Variants in C2CD3 observed in about 807,000 individuals in gnomAD.
C2CD3 encodes the protein C2 domain containing 3 centriole elongation regulator.
C2CD3 carries 148 observed loss-of-function variants against 234.0 expected under a neutral mutation model. The ratio of observed to expected loss-of-function variants is 0.63; its 90% CI spans 0.55 to 0.72. The LOEUF is 0.72. C2CD3 is among the 30% of genes least tolerant of loss of function. The pLI, the probability that C2CD3 is intolerant of heterozygous loss-of-function variation, is 0.00. For missense variants in C2CD3, 2,577 were observed against 2,811.5 expected, an observed-to-expected ratio of 0.92 and a Z score of 1.89; for synonymous variants, 1,000 against 1,035.4, an observed-to-expected ratio of 0.97 and a Z score of 0.66.
chr11:74,168,053 C>T (rs1395490012), intron 2 of C2CD3: 4 of 281,980 alleles, frequency 1.4e-5, no homozygotes, highest in Non-Finnish European at 2.7e-5. Flanking sequence ...ACTTTGTGAC[C>T]TTAGAAAGTA....
intron 24 of C2CD3, among the ~76,000 whole-genome samples, chr11:74,068,323 A>T (rs894759659): frequency 6.6e-6 from 1 of 152,186 alleles, no homozygotes; most frequent in African/African-American, 2.4e-5. Context: ...AGGAAGAGAT[A>T]ACCTGGCTCT....
At chr11:74,032,177 T>C (rs990367127) in intron 31 of C2CD3, among the ~76,000 whole-genome samples, 4 of 152,190 alleles carry the variant, frequency 2.6e-5, no homozygotes, top group African/African-American at 9.7e-5. Context: ...TCCGCCTCCA[T>C]TTTACAGGTG....
At chr11:74,073,554 T>A (rs1954892044) in intron 24 of C2CD3, among the ~76,000 whole-genome samples, 2 of 145,624 alleles carry the variant, frequency 1.4e-5, no homozygotes, top group Admixed American at 7.0e-5. Context: ...GCCACTGCAC[T>A]GCAGCCTGGG....
At position 74,139,757 on chromosome 11, in the gene C2CD3, T is replaced by G. The variant is rs781602399; in HGVS notation, c.555A>C (p.Thr185=). The G allele has an allele frequency of 1.2e-6, 2 of 1,613,838 alleles. No homozygotes were observed. Among genetic ancestry groups the G allele is most frequent in the Non-Finnish European group, 1.7e-6 (2 of 1,179,710 alleles). The change falls in exon 4 of 33, where the codon ACA becomes ACC. Residue 185 remains threonine (T), a synonymous_variant. Transcript: ENST00000334126. ...SYHPLPTTDM[T]ENVLLSKQGF... ...CCTGCTTAGATAAAAGCACATTTTC[T>G]GTCATGTCAGTGGTAGGAAGTGGAT...
chr11:74,060,008 C>T (rs772647564), intron 24 of C2CD3, among the ~76,000 whole-genome samples: 20 of 152,208 alleles, frequency 1.3e-4, no homozygotes, highest in Non-Finnish European at 2.8e-4. Context: ...GCCCATGTAG[C>T]CTCGCTCACT....
At chr11:74,124,644 T>C (rs1957343531) in intron 7 of C2CD3, among the ~76,000 whole-genome samples, 1 of 152,202 alleles carries the variant, frequency 6.6e-6, no homozygotes, top group African/African-American at 2.4e-5. Context: ...CTAACTGCCA[T>C]AATCCAACTA....
At chr11:74,145,722 A>G (rs925777254) in intron 3 of C2CD3, among the ~76,000 whole-genome samples, 4 of 152,128 alleles carry the variant, frequency 2.6e-5, no homozygotes, top group Non-Finnish European at 4.4e-5. Context: ...TGATTTTTGT[A>G]TATGGTGTAA....
chr11:74,078,616 A>C lies in C2CD3; in HGVS notation c.4102T>G (p.Ser1368Ala). Reference sequence around the variant, plus strand: ...TCTCTATCTCCACGATGCGTGAAGGAAATCGAAAGCTCCAGACCACCCACG... The same window carrying C: ...TCTCTATCTCCACGATGCGTGAAGGCAATCGAAAGCTCCAGACCACCCACG... ...KIVGGLELSI[S>A]FTHRGDRERV... Residue 1368 changes from serine (S) to alanine (A), a missense_variant, in exon 23 of 33, where the codon TCC becomes GCC. Ser to Ala is a moderately conservative substitution (Grantham distance 99, BLOSUM62 1). Coordinates refer to ENST00000334126, the MANE Select transcript of C2CD3 (RefSeq NM_001286577.2). The C allele has an allele frequency of 1.9e-6, 3 of 1,614,212 alleles. No individual in the cohort carries two copies. Among genetic ancestry groups the C allele is most frequent in the Non-Finnish European group, 1.7e-6 (2 of 1,180,032 alleles).
At chr11:74,048,141 T>C in intron 28 of C2CD3, 64 bp downstream of exon 28, 2 of 1,526,510 alleles carry the variant, frequency 1.3e-6, no homozygotes. Flanking sequence ...AGAGAAATGA[T>C]AAGCCAGTTC....
At chr11:74,027,369 A>G (rs1472441352) in intron 32 of C2CD3, among the ~76,000 whole-genome samples, 1 of 152,186 alleles carries the variant, frequency 6.6e-6, no homozygotes, top group Non-Finnish European at 1.5e-5. Context: ...TGTCCTCCCA[A>G]AGTGCTGGGA....
chr11:74,088,073 T>C (rs768797407), intron 20 of C2CD3, among the ~76,000 whole-genome samples: 1 of 152,178 alleles, frequency 6.6e-6, no homozygotes, highest in Non-Finnish European at 1.5e-5. Flanking sequence ...GGGGTAAGTT[T>C]AGAACATCAA....
At chr11:74,069,209 TA>T (rs1954685308) in intron 24 of C2CD3, among the ~76,000 whole-genome samples, 2 of 152,238 alleles carry the variant, frequency 1.3e-5, no homozygotes, top group Admixed American at 1.3e-4. Flanking sequence ...ACATTCCTTT[TA>T]GCCAAACAGG....
intron 7 of C2CD3, among the ~76,000 whole-genome samples, chr11:74,131,158 A>G (rs771262692): frequency 1.3e-5 from 2 of 150,484 alleles, no homozygotes; most frequent in Non-Finnish European, 3.0e-5. Context: ...TTTGTTTTTT[A>G]TTCTATTGAT....
chr11:74,039,167 T>C (rs1238215071), intron 29 of C2CD3, among the ~76,000 whole-genome samples: 1 of 152,078 alleles, frequency 6.6e-6, no homozygotes, highest in Non-Finnish European at 1.5e-5. Flanking sequence ...TGGGGTAGCT[T>C]TGGGAAATAA....
Position 74,037,611 on chromosome 11 carries a change from T to C in C2CD3, c.5748A>G (p.Gln1916=), listed in dbSNP as rs1233122049. 1.2e-6 allele frequency: 2 copies of C among 1,613,968 alleles called. No individual in the cohort carries two copies. Among genetic ancestry groups the C allele is most frequent in the Non-Finnish European group, 1.7e-6 (2 of 1,180,012 alleles). Residue 1916 remains glutamine, a synonymous_variant, in exon 30 of 33, where the codon CAA becomes CAG. Coordinates refer to ENST00000334126, the MANE Select transcript of C2CD3 (RefSeq NM_001286577.2). The stretch of plus-strand genomic sequence containing the variant: ...TCTCCTGGTGCTGTGAGATGGCCGT[T>C]TGAGTCTGAGGGCTGAGGGGTAGGA... ...KPFLPLSPQT[Q]TAISQHQESC...
At chr11:74,166,104 A>AT (rs1435054047) in intron 2 of C2CD3, among the ~76,000 whole-genome samples, 8 of 152,062 alleles carry the variant, frequency 5.3e-5, no homozygotes, top group African/African-American at 1.9e-4. Flanking sequence ...AGATCAGGAG[A>AT]TTGAGACCAT....
intron 32 of C2CD3, among the ~76,000 whole-genome samples, chr11:74,015,067 A>G (rs1951830808): frequency 6.6e-6 from 1 of 152,246 alleles, no homozygotes; most frequent in Non-Finnish European, 1.5e-5. Context: ...TCCAAAATAC[A>G]GGAAGCACCT....
At chr11:74,125,119 T>G (rs1249061009) in intron 7 of C2CD3, among the ~76,000 whole-genome samples, 29 of 152,226 alleles carry the variant, frequency 1.9e-4, no homozygotes, top group Non-Finnish European at 2.9e-5. Context: ...GTGATCACTT[T>G]CAATTCCCTT....
rs114813405 is a variant in C2CD3 at position 74,014,632 on chromosome 11, T to C, written c.6922-1107A>G. ...TCTTCAATCTTTTTTAATACCTACTTGAGAGGGGCGCAGAAATAAACAGAA... is the reference window on the plus strand; with the variant it reads ...TCTTCAATCTTTTTTAATACCTACTCGAGAGGGGCGCAGAAATAAACAGAA... On this transcript the variant is annotated intron_variant, in intron 32 of 32. Transcript: ENST00000334126. Among the ~76,000 whole-genome samples, 1,335 of 152,250 alleles carry C rather than the reference T, an allele frequency of 8.8e-3. 24 individuals are homozygous for C. Among genetic ancestry groups the C allele is most frequent in the African/African-American group, 0.031 (1,272 of 41,534 alleles).
Sources: gnomAD v4.1 joint callset for allele counts (sites outside exome capture counted in the v4.1 genomes callset) on GRCh38, gnomAD v4.1.1 for gene constraint, MANE v1.5 for transcripts, NCBI Gene and HGNC (gene_info 2026-07-23, HGNC 2026-07-21) for gene names.